The following NPEPPS variants were observed in gnomAD, a reference collection of about 807,000 sequenced individuals.
The protein encoded by NPEPPS is aminopeptidase puromycin sensitive, also known as puromycin-sensitive aminopeptidase.
A neutral mutation model predicts 115.5 loss-of-function variants in NPEPPS; 14 were observed. The observed-to-expected ratio is 0.12, with a 90% confidence interval of 0.08 to 0.19. The LOEUF (loss-of-function observed/expected upper bound fraction) is 0.19, where lower values mean the gene tolerates loss of function less well. Among genes scored for constraint, NPEPPS ranks in the 10% least tolerant of loss-of-function variants. NPEPPS has a pLI of 1.00. For missense variants in NPEPPS, 523 were observed against 1,110.8 expected (o/e 0.47, Z 7.52); for synonymous variants, 285 against 390.6 (o/e 0.73, Z 3.19).
intron 12 of NPEPPS, among the ~76,000 whole-genome samples, chr17:47,594,586 TTTATTTTATGTTATGTTATGTTATG>T (rs1223999759): frequency 1.2e-4 from 14 of 118,678 alleles, no homozygotes; most frequent in African/African-American, 4.7e-4. Flanking sequence ...AATTTTGTAT[TTTATTTTATGTTATGTTATGTTATG>T]TTATGTTATG....
chr17:47,621,634 G>C, intron 22 of NPEPPS, 134 bp from the exon 23 acceptor site: 1 of 749,090 alleles, frequency 1.3e-6, no homozygotes, highest in East Asian at 2.7e-5. Flanking sequence ...TTTAGCCTGA[G>C]GGTGGCAGTG....
intron 13 of NPEPPS, among the ~76,000 whole-genome samples, chr17:47,596,756 T>G (rs1374493847): frequency 6.6e-6 from 1 of 152,198 alleles, no homozygotes; most frequent in Non-Finnish European, 1.5e-5. Context: ...TAACATTTTT[T>G]AAAAAATTAG....
At chr17:47,581,122 C>A (rs1049224877) in intron 4 of NPEPPS, 1 of 151,914 alleles carries the variant, frequency 6.6e-6, no homozygotes, top group Non-Finnish European at 1.5e-5. Flanking sequence ...CTACATCTCA[C>A]TTTTTCAAGA....
intron 4 of NPEPPS, chr17:47,581,194 C>T (rs1911852300): frequency 1.3e-5 from 2 of 151,800 alleles, no homozygotes; most frequent in African/African-American, 4.8e-5. Flanking sequence ...TTTCGTTTTG[C>T]TTTATTTTCT....
chr17:47,600,312 C>T (rs1197469816), intron 14 of NPEPPS, among the ~76,000 whole-genome samples: 1 of 152,142 alleles, frequency 6.6e-6, no homozygotes, highest in Non-Finnish European at 1.5e-5. Flanking sequence ...TGGCATGCAT[C>T]TGCAGTCCCT....
chr17:47,589,422 A>T (rs1249385571), intron 9 of NPEPPS, among the ~76,000 whole-genome samples: 1 of 150,210 alleles, frequency 6.7e-6, no homozygotes, highest in Non-Finnish European at 1.5e-5. Flanking sequence ...TGACCAGCTA[A>T]TTTTTTTTTA....
chr17:47,563,039 GT>G (rs923491369), intron 2 of NPEPPS, among the ~76,000 whole-genome samples: 2 of 146,864 alleles, frequency 1.4e-5, no homozygotes, highest in Non-Finnish European at 3.0e-5. Context: ...TGTTTGTTTT[GT>G]TTTTTTTTTG....
At chr17:47,552,007 C>G (rs1252561755) in intron 2 of NPEPPS, among the ~76,000 whole-genome samples, 1 of 97,698 alleles carries the variant, frequency 1.0e-5, no homozygotes, top group African/African-American at 3.4e-5. Flanking sequence ...AGGTCTTTCT[C>G]TGTCATCCAG....
chr17:47,543,220 GCA>G (rs951275650), intron 1 of NPEPPS, among the ~76,000 whole-genome samples: 45 of 149,670 alleles, frequency 3.0e-4, no homozygotes, highest in South Asian at 1.5e-3. Flanking sequence ...TTAATGGCGC[GCA>G]CACACACACA....
chr17:47,581,139 G>A (rs1199682751), intron 4 of NPEPPS: 9 of 151,766 alleles, frequency 5.9e-5, no homozygotes, highest in African/African-American at 1.9e-4. Context: ...AAGAGGAGGG[G>A]TCACAGACTA....
chr17:47,535,499 C>G (rs1301604791), intron 1 of NPEPPS, among the ~76,000 whole-genome samples: 1 of 145,228 alleles, frequency 6.9e-6, no homozygotes, highest in African/African-American at 2.6e-5. Flanking sequence ...TGCAGTGAGC[C>G]GAGATCGCGC....
chr17:47,613,177 T>C (rs1375347812), intron 18 of NPEPPS, among the ~76,000 whole-genome samples: 9 of 152,050 alleles, frequency 5.9e-5, no homozygotes, highest in Admixed American at 5.2e-4. Context: ...TGGTACAACA[T>C]GCCATTTACC....
At position 47,532,344 on chromosome 17, in the gene NPEPPS, C is replaced by T. The variant is rs528035624; in HGVS notation, c.255+789C>T. Among the ~76,000 whole-genome samples, 182 of 152,172 alleles carry T rather than the reference C, an allele frequency of 1.2e-3. 1 individual carries two copies. Among genetic ancestry groups the T allele is most frequent in the African/African-American group, 4.2e-3 (174 of 41,516 alleles). On this transcript the variant is annotated intron_variant, in intron 1 of 22. Coordinates refer to ENST00000322157, the MANE Select transcript of NPEPPS (RefSeq NM_006310.4). ...GGATTTATTGCTACCGTGATGGTTG[C>T]TTAGCAGTACCTTCCTCTCCCAAGA...
chr17:47,529,391 C>T (rs990641397), upstream of NPEPPS, among the ~76,000 whole-genome samples: 18 of 150,560 alleles, frequency 1.2e-4, no homozygotes, highest in African/African-American at 3.9e-4. Flanking sequence ...GCACACGTCA[C>T]CACACCTGGG....
At chr17:47,537,979 C>T (rs1463581452) in intron 1 of NPEPPS, among the ~76,000 whole-genome samples, 14 of 150,854 alleles carry the variant, frequency 9.3e-5, no homozygotes, top group Admixed American at 2.0e-4. Context: ...CTGCAACCTC[C>T]GCCTCCCAGG....
chr17:47,526,142 G>A (rs1907425152), upstream of NPEPPS, among the ~76,000 whole-genome samples: 1 of 152,170 alleles, frequency 6.6e-6, no homozygotes, highest in Admixed American at 6.6e-5. Flanking sequence ...AACCTAGGAG[G>A]CGGAGGTTGC....
intron 22 of NPEPPS, among the ~76,000 whole-genome samples, chr17:47,620,569 A>G (rs114114103): frequency 9.3e-4 from 141 of 152,350 alleles, no homozygotes; most frequent in African/African-American, 3.3e-3. Flanking sequence ...TCTGGTGTAT[A>G]AATGTTGGTA....
At chr17:47,537,420 G>C (rs1908380695) in intron 1 of NPEPPS, among the ~76,000 whole-genome samples, 1 of 152,068 alleles carries the variant, frequency 6.6e-6, no homozygotes, top group Admixed American at 6.6e-5. Context: ...TAGGCTGGGT[G>C]TGGTGGCTCA....
At chr17:47,578,038 C>T (rs1230803774) in intron 3 of NPEPPS, among the ~76,000 whole-genome samples, 25 of 152,112 alleles carry the variant, frequency 1.6e-4, no homozygotes, top group Middle Eastern at 6.8e-3. Context: ...ACCCCTGTCT[C>T]TACTAAAAAT....
Sources: gnomAD v4.1 joint callset for allele counts (sites outside exome capture counted in the v4.1 genomes callset) on GRCh38, gnomAD v4.1.1 for gene constraint, MANE v1.5 for transcripts, NCBI Gene and HGNC (gene_info 2026-07-23, HGNC 2026-07-21) for gene names.